Variants in OPALIN observed in about 807,000 individuals in gnomAD.
OPALIN encodes the protein transmembrane protein 10.
OPALIN carries 15 observed loss-of-function variants against 17.8 expected under a neutral mutation model. The ratio of observed to expected loss-of-function variants is 0.84; its 90% CI spans 0.56 to 1.29. The LOEUF (loss-of-function observed/expected upper bound fraction) is 1.29, where lower values mean the gene tolerates loss of function less well. Among genes scored for constraint, OPALIN ranks in the 50% most tolerant of loss-of-function variants. The probability of loss-of-function intolerance (pLI) is 0.00; values close to 1 mark genes in which losing one functional copy is unlikely to be tolerated. For missense variants in OPALIN, 170 were observed against 176.0 expected (o/e 0.97, Z 0.19); for synonymous variants, 62 against 63.8 (o/e 0.97, Z 0.14).
intron 4 of OPALIN, among the ~76,000 whole-genome samples, chr10:96,348,847 A>G (rs1845452429): frequency 6.6e-6 from 1 of 152,152 alleles, no homozygotes; most frequent in African/African-American, 2.4e-5. Flanking sequence ...TGTGTTTAAA[A>G]TTTACAGCTT....
intron 2 of OPALIN, chr10:96,353,392 A>G: frequency 1.2e-6 from 2 of 1,610,790 alleles, no homozygotes; most frequent in South Asian, 1.1e-5. Flanking sequence ...ACCCAGCTGC[A>G]CTGAAGTGGA....
At chr10:96,349,486 G>T (rs1845480498) in intron 4 of OPALIN, among the ~76,000 whole-genome samples, 1 of 152,144 alleles carries the variant, frequency 6.6e-6, no homozygotes, top group Non-Finnish European at 1.5e-5. Context: ...TACCATCTTT[G>T]TCAGGAATTC....
intron 2 of OPALIN, 75 bp from the exon 3 acceptor site, chr10:96,351,485 A>G (rs1321609011): frequency 2.4e-5 from 21 of 890,436 alleles, no homozygotes; most frequent in African/African-American, 3.5e-5. Flanking sequence ...ACAATCTGCC[A>G]AAGTTTAGGC....
intron 1 of OPALIN, among the ~76,000 whole-genome samples, chr10:96,356,090 A>G (rs1845808028): frequency 6.6e-6 from 1 of 152,134 alleles, no homozygotes; most frequent in Admixed American, 6.6e-5. Context: ...TGACTCAGCC[A>G]GTGAAACTAT....
At position 96,353,297 on chromosome 10, in the gene OPALIN, G is replaced by C. The variant is rs1441882348; in HGVS notation, c.40-1887C>G. ...AGTCCTCAGCAGGGACTGGCCAGCA[G>C]GGAGCCCTGTTCCAAACTTCCCGCA... On this transcript the variant is annotated intron_variant, in intron 2 of 5. Transcript: ENST00000371172. The C allele has an allele frequency of 8.3e-6, 11 of 1,332,608 alleles. No individual in the cohort carries two copies. In the Admixed American group the frequency reaches 2.0e-4, roughly 24 times the overall value. 82.5% of individuals were successfully genotyped at this position (1,332,608 alleles called of 1,614,324 possible). A position where few individuals can be genotyped will look rare whatever the true frequency, so the allele number is the denominator to read the frequency against.
At chr10:96,355,211 G>A in intron 2 of OPALIN, 44 bp downstream of exon 2, 1 of 1,585,404 alleles carries the variant, frequency 6.3e-7, no homozygotes, top group Non-Finnish European at 8.6e-7. Context: ...ATTCTGCACT[G>A]GTCTTCTCTG....
chr10:96,345,785 C>T lies in OPALIN; in HGVS notation c.*156G>A, dbSNP rs1845286712. On this transcript the variant is annotated 3_prime_UTR_variant, in exon 6 of 6. Coordinates refer to ENST00000371172, the MANE Select transcript of OPALIN (RefSeq NM_033207.5). ...TGGAATTAACCATGTTGGGGATGTCCCCTAAAGAGACAAATCAGCCCCAAA... is the reference window on the plus strand; with the variant it reads ...TGGAATTAACCATGTTGGGGATGTCTCCTAAAGAGACAAATCAGCCCCAAA... 1 of 664,476 alleles carries T rather than the reference C, an allele frequency of 1.5e-6. No homozygotes were observed. The allele number at this position is 664,476 out of a possible 1,614,324, so 41.2% of individuals were successfully genotyped here. A position where few individuals can be genotyped will look rare whatever the true frequency, so the allele number is the denominator to read the frequency against.
Position 96,348,341 on chromosome 10 carries a change from CT to C in OPALIN, c.196del (p.Ser66ValfsTer40). ...TTCTGAAATTTCACATGGTCTGTCACTTTCCTAAATTGGAAAAAATATAATA... is the reference window on the plus strand; with the variant it reads ...TTCTGAAATTTCACATGGTCTGTCACTTCCTAAATTGGAAAAAATATAATA... Reference protein sequence around the residue: ...RRSSIEAMEESDRPCEISEID... With the variant: ...RRSSIEAMEEXDRPCEISEID... On this transcript the variant is annotated frameshift_variant, in exon 5 of 6. Coordinates refer to ENST00000371172, the MANE Select transcript of OPALIN (RefSeq NM_033207.5). LOFTEE classifies it high-confidence loss of function. 1 of 1,510,294 alleles carries C rather than the reference CT, an allele frequency of 6.6e-7. No individual in the cohort carries two copies. The highest frequency in any genetic ancestry group is 9.2e-7 in the Non-Finnish European group (1 of 1,092,090). 93.6% of individuals were successfully genotyped at this position (1,510,294 alleles called of 1,614,324 possible). A position where few individuals can be genotyped will look rare whatever the true frequency, so the allele number is the denominator to read the frequency against.
At chr10:96,358,811 C>A (rs1256017849) in intron 1 of OPALIN, 83 bp downstream of exon 1, 8 of 1,388,554 alleles carry the variant, frequency 5.8e-6, no homozygotes, top group East Asian at 2.3e-5. Flanking sequence ...CCCTTTACTT[C>A]ATTGTACATT....
At chr10:96,357,705 G>A (rs1018605763) in intron 1 of OPALIN, among the ~76,000 whole-genome samples, 1 of 152,162 alleles carries the variant, frequency 6.6e-6, no homozygotes, top group Non-Finnish European at 1.5e-5. Flanking sequence ...CACCCTCTGT[G>A]TTTTAGGGAT....
chr10:96,348,072 T>C (rs574236843), intron 5 of OPALIN, among the ~76,000 whole-genome samples: 1 of 152,344 alleles, frequency 6.6e-6, no homozygotes, highest in African/African-American at 2.4e-5. Flanking sequence ...GTCAGTAAAA[T>C]AAATTATATT....
chr10:96,356,882 C>T, intron 1 of OPALIN: 1 of 985,332 alleles, frequency 1.0e-6, no homozygotes, highest in Non-Finnish European at 1.2e-6. Context: ...TTCCCAAGTC[C>T]AAACAACTAC....
rs1475294478 is a variant in OPALIN at position 96,343,406 on chromosome 10, A to C, written c.*2535T>G. On this transcript the variant is annotated 3_prime_UTR_variant, in exon 6 of 6. Coordinates refer to ENST00000371172, the MANE Select transcript of OPALIN (RefSeq NM_033207.5). ...TGATCCAAAACACAAGTCATCCCTC[A>C]CTTTATAGCTACATGGCTTAGTCAC... The C allele has an allele frequency of 6.6e-6, 1 of 152,194 alleles. No individual in the cohort carries two copies. Among genetic ancestry groups the C allele is most frequent in the African/African-American group, 2.4e-5 (1 of 41,448 alleles). The allele number at this position is 152,194 out of a possible 1,614,324, so 9.4% of individuals were successfully genotyped here.
At position 96,352,447 on chromosome 10, in the gene OPALIN, A is replaced by G. The variant is rs2134023337; in HGVS notation, c.40-1037T>C. 1.3e-5 allele frequency among the ~76,000 whole-genome samples: 2 copies of G among 152,112 alleles called. 1 individual carries two copies. Among genetic ancestry groups the G allele is most frequent in the South Asian group, 4.2e-4 (2 of 4,810 alleles). On this transcript the variant is annotated intron_variant, in intron 2 of 5. Coordinates refer to ENST00000371172, the MANE Select transcript of OPALIN (RefSeq NM_033207.5). ...TTGGATGTTTGACTTCCAAGCCCAGACCTCTTTCCCAGAGAGCTCCCATCA... is the reference window on the plus strand; with the variant it reads ...TTGGATGTTTGACTTCCAAGCCCAGGCCTCTTTCCCAGAGAGCTCCCATCA...
intron 2 of OPALIN, among the ~76,000 whole-genome samples, chr10:96,354,320 G>A (rs950075275): frequency 3.3e-5 from 5 of 152,104 alleles, no homozygotes; most frequent in Admixed American, 6.5e-5. Flanking sequence ...CCATAATCAA[G>A]AGCCATAAAA....
intron 1 of OPALIN, chr10:96,357,216 A>C: frequency 2.1e-6 from 2 of 961,224 alleles, no homozygotes; most frequent in Non-Finnish European, 2.5e-6. Context: ...TGATGTCAGC[A>C]GCCCTAAGAC....
rs574518160 is a variant in OPALIN at position 96,355,045 on chromosome 10, C to T, written c.39+210G>A. Among the ~76,000 whole-genome samples the T allele has an allele frequency of 9.2e-5, 11 of 119,852 alleles. No individual in the cohort carries two copies. The Admixed American group carries it at 9.4e-4, about 10-fold the overall frequency. The allele number at this position is 119,852 out of a possible 152,430, so 78.6% of individuals were successfully genotyped here. A position where few individuals can be genotyped will look rare whatever the true frequency, so the allele number is the denominator to read the frequency against. ...CCAGGAGGTGGAAGTTGCAGTGAGTCGAGATCATGCCACTGCACTCCAGCC... is the reference window on the plus strand; with the variant it reads ...CCAGGAGGTGGAAGTTGCAGTGAGTTGAGATCATGCCACTGCACTCCAGCC... On this transcript the variant is annotated intron_variant, in intron 2 of 5. Transcript: ENST00000371172.
Position 96,343,904 on chromosome 10 carries a change from T to G in OPALIN, c.*2037A>C, listed in dbSNP as rs1465699001. The G allele has an allele frequency of 2.0e-5, 3 of 152,226 alleles. No homozygotes were observed. The highest frequency in any genetic ancestry group is 4.4e-5 in the Non-Finnish European group (3 of 68,054). The allele number at this position is 152,226 out of a possible 1,614,324, so 9.4% of individuals were successfully genotyped here. On this transcript the variant is annotated 3_prime_UTR_variant, in exon 6 of 6. Coordinates refer to ENST00000371172, the MANE Select transcript of OPALIN (RefSeq NM_033207.5). The stretch of plus-strand genomic sequence containing the variant: ...GGCTCATGGAGCTGCTGGATGAACT[T>G]AAGATGCCCTGGACCCAGGCCTTCC...
At chr10:96,351,044 C>G (rs914942803) in intron 3 of OPALIN, among the ~76,000 whole-genome samples, 1 of 152,188 alleles carries the variant, frequency 6.6e-6, no homozygotes, top group African/African-American at 2.4e-5. Context: ...CTCAGGATCC[C>G]CCTCAAATCT....
Sources: allele counts gnomAD v4.1 joint callset (sites outside exome capture counted in the v4.1 genomes callset), GRCh38; gene constraint gnomAD v4.1.1; transcripts MANE v1.5; gene names NCBI Gene and HGNC (gene_info 2026-07-23, HGNC 2026-07-21).